Variants in NOB1 observed in about 807,000 individuals in gnomAD.
The protein encoded by NOB1 is NIN1 (RPN12) binding protein 1 homolog, also known as RNA-binding protein NOB1.
Under a neutral mutation model 44.8 loss-of-function variants are expected in NOB1, and 44 were observed. That is an observed-to-expected ratio of 0.98 (90% CI 0.77 to 1.26). The LOEUF (loss-of-function observed/expected upper bound fraction) is 1.26. NOB1 is among the 50% of genes most tolerant of loss of function. The pLI, the probability that NOB1 is intolerant of heterozygous loss-of-function variation, is 0.00. For synonymous variants in NOB1, 238 were observed against 218.7 expected, an observed-to-expected ratio of 1.09 and a Z score of -0.78; for missense variants, 560 against 544.8, an observed-to-expected ratio of 1.03 and a Z score of -0.28.
At chr16:69,743,006 G>C (rs1357009145) in intron 8 of NOB1, among the ~76,000 whole-genome samples, 1 of 152,068 alleles carries the variant, frequency 6.6e-6, no homozygotes, top group Non-Finnish European at 1.5e-5. Context: ...AAAAACCAGA[G>C]CTCCTGAGAG....
rs1395860920 is a variant in NOB1 at position 69,748,930 on chromosome 16, G to A, written c.714C>T (p.Asp238=). The A allele has an allele frequency of 1.2e-6, 2 of 1,608,380 alleles. No individual in the cohort carries two copies. The highest frequency in any genetic ancestry group is 1.7e-6 in the Non-Finnish European group (2 of 1,176,776). ...EDVRVGCLTT[D]FAMQNVLLQM... ...CCACCCTACCCACCTGCATGGCGAA[G>A]TCTGTGGTCAGGCAGCCAACCCGCA... is the stretch of plus-strand genomic sequence containing the variant. The change falls in exon 6 of 9, where the codon GAC becomes GAT. Residue 238 remains aspartate, a synonymous_variant. Coordinates refer to ENST00000268802, the MANE Select transcript of NOB1 (RefSeq NM_014062.3).
At chr16:69,753,177 G>A (rs1172549674) in intron 2 of NOB1, among the ~76,000 whole-genome samples, 2 of 152,094 alleles carry the variant, frequency 1.3e-5, no homozygotes, top group Non-Finnish European at 2.9e-5. Context: ...AGCCAAGATC[G>A]TGCCACTGCA....
chr16:69,752,187 T>C, intron 3 of NOB1, 54 bp downstream of exon 3: 1 of 1,560,906 alleles, frequency 6.4e-7, no homozygotes, highest in African/African-American at 1.4e-5. Flanking sequence ...TACTTTTGTA[T>C]ACCTGACAGT....
chr16:69,749,007 T>A lies in NOB1; in HGVS notation c.637A>T (p.Asn213Tyr). The stretch of plus-strand genomic sequence containing the variant: ...AGCTCCTGCTGGATCTGCTTGATGT[T>A]ACTGGGGGTTATCCAGCCACCCCCG... ...DDGGGWITPS[N>Y]IKQIQQELEQ... The change falls in exon 6 of 9, where the codon AAC (asparagine) becomes TAC (tyrosine). Residue 213 changes from asparagine to tyrosine, a missense_variant. Physicochemically the swap from Asn to Tyr is moderately radical, Grantham distance 143 (BLOSUM62 -2). Coordinates refer to ENST00000268802, the MANE Select transcript of NOB1 (RefSeq NM_014062.3). 6.2e-7 allele frequency: 1 copy of A among 1,614,260 alleles called. No homozygotes were observed. Among genetic ancestry groups the A allele is most frequent in the South Asian group, 1.1e-5 (1 of 91,090 alleles).
intron 6 of NOB1, chr16:69,748,642 CCTGA>C (rs1272155616): frequency 1.9e-6 from 1 of 532,224 alleles, no homozygotes; most frequent in Non-Finnish European, 3.3e-6. Context: ...GTGTTAAGAA[CCTGA>C]CTGACCACAT....
At chr16:69,743,591 G>A (rs967950913) in intron 8 of NOB1, among the ~76,000 whole-genome samples, 7 of 152,094 alleles carry the variant, frequency 4.6e-5, no homozygotes, top group Admixed American at 6.5e-5. Context: ...ATCCAATCCC[G>A]AGGAAATACC....
At chr16:69,743,958 A>G (rs2038406627) in intron 8 of NOB1, among the ~76,000 whole-genome samples, 1 of 152,222 alleles carries the variant, frequency 6.6e-6, no homozygotes, top group Admixed American at 6.5e-5. Context: ...GTTCAGGAAA[A>G]AAATATGTAC....
intron 8 of NOB1, among the ~76,000 whole-genome samples, chr16:69,744,627 C>T (rs16959146): frequency 0.032 from 4,810 of 152,190 alleles, 116 homozygotes; most frequent in Middle Eastern, 0.044. Context: ...ATCTAACCTC[C>T]GCCTTACTCC....
chr16:69,754,861 T>A lies in NOB1; in HGVS notation c.50A>T (p.His17Leu), dbSNP rs1278081687. Residue 17 changes from histidine to leucine, a missense_variant, in exon 1 of 9, where the codon CAT (histidine) becomes CTT (leucine). Physicochemically the swap from His to Leu is moderately conservative, Grantham distance 99. Coordinates refer to ENST00000268802, the MANE Select transcript of NOB1 (RefSeq NM_014062.3). ...VVADAGAFLRHAALQDIGKNI... is the reference protein window; with the variant it reads ...VVADAGAFLRLAALQDIGKNI... ...AGCTCCCCGTACCTGCAGAGCCGCA[T>A]GCCGCAGGAAAGCCCCAGCATCCGC... The A allele has an allele frequency of 1.8e-5, 28 of 1,598,866 alleles. No individual in the cohort carries two copies. The highest frequency in any genetic ancestry group is 4.5e-5 in the East Asian group (2 of 44,250).
chr16:69,749,937 C>A (rs1186541447), intron 3 of NOB1, among the ~76,000 whole-genome samples: 1 of 150,384 alleles, frequency 6.6e-6, no homozygotes, highest in Admixed American at 6.6e-5. Context: ...GAGATCACGC[C>A]ACTGCACTCC....
intron 3 of NOB1, among the ~76,000 whole-genome samples, chr16:69,750,737 G>C (rs562106158): frequency 9.2e-5 from 14 of 152,172 alleles, no homozygotes; most frequent in Non-Finnish European, 1.8e-4. Context: ...AGGAGTTTGA[G>C]ACCAGCCTGG....
chr16:69,749,059 T>C lies in NOB1; in HGVS notation c.585A>G (p.Glu195=). 1 of 1,614,244 alleles carries C rather than the reference T, an allele frequency of 6.2e-7. No individual in the cohort carries two copies. The highest frequency in any genetic ancestry group is 8.5e-7 in the Non-Finnish European group (1 of 1,180,048). The part of the protein sequence containing the change: ...EEEEEEENGF[E]DRKDDSDDDG... ...CGTCATCGCTGTCATCTTTTCTGTC[T>C]TCAAACCCGTTTTCTTCCTCCTCCT... Residue 195 remains glutamate, a synonymous_variant, in exon 6 of 9, where the codon GAA becomes GAG. Transcript: ENST00000268802.
intron 8 of NOB1, 83 bp from the exon 9 acceptor site, chr16:69,742,684 T>C: frequency 1.4e-6 from 2 of 1,415,436 alleles, no homozygotes; most frequent in Non-Finnish European, 9.8e-7. Flanking sequence ...GCAGCCGACC[T>C]TGCAGATCCT....
rs759973247 is a variant in NOB1, at chr16:69,742,560, G to A, written c.1011C>T (p.Asn337=). ...PTPKGGKYAI[N]PHLTEDQRFP... is the part of the protein sequence containing the mutation. ...AGCGCTGATCCTCGGTGAGATGGGG[G>A]TTGATGGCGTATTTGCCCCCTTTGG... The change falls in exon 9 of 9, where the codon AAC becomes AAT. Residue 337 remains asparagine, a synonymous_variant. Transcript: ENST00000268802. 13 of 1,614,170 alleles carry A rather than the reference G, an allele frequency of 8.1e-6. No individual in the cohort carries two copies. The highest frequency in any genetic ancestry group is 1.1e-5 in the Non-Finnish European group (13 of 1,180,030).
chr16:69,748,763 T>C, intron 6 of NOB1, 155 bp downstream of exon 6: 3 of 645,758 alleles, frequency 4.6e-6, no homozygotes, highest in South Asian at 4.1e-5. Flanking sequence ...TTGTCTAGCC[T>C]CTAAGCAAAA....
chr16:69,749,245 G>A lies in NOB1; in HGVS notation c.493C>T (p.Pro165Ser), dbSNP rs1407742102. The A allele has an allele frequency of 6.2e-7, 1 of 1,613,576 alleles. No individual in the cohort carries two copies. Among genetic ancestry groups the A allele is most frequent in the Admixed American group, 1.7e-5 (1 of 59,848 alleles). The change falls in exon 5 of 9, where the codon CCC (proline) becomes TCC (serine). Residue 165 changes from proline (P) to serine (S), a missense_variant. Physicochemically the swap from Pro to Ser is moderately conservative, Grantham distance 74 (BLOSUM62 -1). Transcript: ENST00000268802. ...SSFMFWRNPL[P>S]NIDHELQELL... ...TCCTGCAGTTCATGATCGATGTTGGGCAAAGGGTTTCTCCAGAACATGAAG... is the reference window on the plus strand; with the variant it reads ...TCCTGCAGTTCATGATCGATGTTGGACAAAGGGTTTCTCCAGAACATGAAG...
chr16:69,746,508 C>A (rs1023013994), intron 7 of NOB1, among the ~76,000 whole-genome samples: 3 of 152,242 alleles, frequency 2.0e-5, no homozygotes, highest in African/African-American at 7.2e-5. Context: ...GGTCAAGAAA[C>A]TAACAGTTCA....
intron 6 of NOB1, 64 bp from the exon 7 acceptor site, chr16:69,748,393 A>G: frequency 4.1e-6 from 6 of 1,476,498 alleles, no homozygotes; most frequent in Non-Finnish European, 5.6e-6. Context: ...AATTACAGTT[A>G]AGGGAACTTC....
chr16:69,748,137 C>T, intron 7 of NOB1, 95 bp downstream of exon 7: 1 of 897,878 alleles, frequency 1.1e-6, no homozygotes, highest in Non-Finnish European at 1.7e-6. Flanking sequence ...TGCACTCCAG[C>T]CTAGGTGACA....
Sources: gnomAD v4.1 joint callset for allele counts (sites outside exome capture counted in the v4.1 genomes callset) on GRCh38, gnomAD v4.1.1 for gene constraint, MANE v1.5 for transcripts, NCBI Gene and HGNC (gene_info 2026-07-23, HGNC 2026-07-21) for gene names.